NRXN1: variants seen among roughly 807,000 people sequenced by gnomAD.
NRXN1 encodes the protein neurexin 1, also known as neurexin-1.
A neutral mutation model predicts 150.9 loss-of-function variants in NRXN1; 39 were observed. That is an observed-to-expected ratio of 0.26 (90% CI 0.20 to 0.34). The LOEUF (loss-of-function observed/expected upper bound fraction) is 0.34, where lower values mean the gene tolerates loss of function less well. Ranked by LOEUF, NRXN1 falls within the 10% of genes least tolerant of loss-of-function variation. The pLI is 1.00. For synonymous variants in NRXN1, 924 were observed against 757.0 expected, an observed-to-expected ratio of 1.22 and a Z score of -3.62; for missense variants, 1,815 against 1,949.9, an observed-to-expected ratio of 0.93 and a Z score of 1.30.
intron 19 of NRXN1, among the ~76,000 whole-genome samples, chr2:50,069,951 T>C (rs921953661): frequency 1.8e-4 from 27 of 150,408 alleles, no homozygotes; most frequent in South Asian, 6.4e-4. Flanking sequence ...CCCGAGTTCA[T>C]GCCATTCTCC....
At chr2:49,947,531 T>C (rs1296460957) in intron 21 of NRXN1, among the ~76,000 whole-genome samples, 12 of 135,622 alleles carry the variant, frequency 8.8e-5, no homozygotes, top group African/African-American at 3.0e-4. Context: ...TTTTTTTTTT[T>C]GTAGAGATAA....
intron 5 of NRXN1, among the ~76,000 whole-genome samples, chr2:50,902,992 C>T (rs998365683): frequency 6.6e-6 from 1 of 151,888 alleles, no homozygotes; most frequent in African/African-American, 2.4e-5. Context: ...AAACCAAAAA[C>T]AAGTATTTAT....
chr2:50,203,371 C>T (rs1043040692), intron 18 of NRXN1, among the ~76,000 whole-genome samples: 13 of 152,116 alleles, frequency 8.5e-5, no homozygotes, highest in Non-Finnish European at 1.2e-4. Context: ...TCTTTACATT[C>T]TTGAATGTGT....
At chr2:50,371,749 G>A (rs938402657) in intron 17 of NRXN1, among the ~76,000 whole-genome samples, 2 of 112,334 alleles carry the variant, frequency 1.8e-5, no homozygotes, top group African/African-American at 9.1e-5. Context: ...CAACATAGCT[G>A]GGACAGTTAC....
At chr2:50,356,369 G>A (rs2078816652) in intron 17 of NRXN1, among the ~76,000 whole-genome samples, 2 of 152,086 alleles carry the variant, frequency 1.3e-5, no homozygotes, top group African/African-American at 4.8e-5. Flanking sequence ...AAAGTAAGAA[G>A]TATATGCTCC....
At chr2:50,903,893 G>A (rs910313804) in intron 5 of NRXN1, among the ~76,000 whole-genome samples, 2 of 152,092 alleles carry the variant, frequency 1.3e-5, no homozygotes, top group African/African-American at 2.4e-5. Context: ...CTGAAACGCC[G>A]GCTGTAGCCC....
chr2:49,952,611 T>A (rs893365448), intron 21 of NRXN1, among the ~76,000 whole-genome samples: 1 of 152,110 alleles, frequency 6.6e-6, no homozygotes, highest in Non-Finnish European at 1.5e-5. Context: ...TAACTAATTT[T>A]TTGGTGACAA....
intron 5 of NRXN1, among the ~76,000 whole-genome samples, chr2:50,645,478 G>GTATT: frequency 6.6e-6 from 1 of 151,834 alleles, no homozygotes; most frequent in Middle Eastern, 3.4e-3. Flanking sequence ...AAACTATAAC[G>GTATT]TATTTATTTA....
Position 50,389,669 on chromosome 2 carries a change from G to A in NRXN1, c.3364+75773C>T, listed in dbSNP as rs368563142. Among the ~76,000 whole-genome samples, 6 of 151,916 alleles carry A rather than the reference G, an allele frequency of 3.9e-5. No individual in the cohort carries two copies. In the East Asian group the frequency reaches 5.8e-4, roughly 15 times the overall value. On this transcript the variant is annotated intron_variant, in intron 17 of 22. Coordinates refer to ENST00000401669, the MANE Select transcript of NRXN1 (RefSeq NM_001330078.2). ...TCTTTTCTTGGTTTGAAGCATCTTC[G>A]ATAATTTTAAGTTAATAAATTGCTA...
chr2:50,807,704 T>C (rs1336720046), intron 5 of NRXN1, among the ~76,000 whole-genome samples: 1 of 152,182 alleles, frequency 6.6e-6, no homozygotes, highest in Non-Finnish European at 1.5e-5. Flanking sequence ...ACAATGATTC[T>C]GCTTATCTTG....
intron 21 of NRXN1, among the ~76,000 whole-genome samples, chr2:50,018,953 T>A (rs536257468): frequency 3.9e-5 from 6 of 152,310 alleles, no homozygotes; most frequent in African/African-American, 1.2e-4. Context: ...AAAATATGTG[T>A]TGGCAGGGTT....
At chr2:50,098,138 T>G (rs1700484919) in intron 18 of NRXN1, among the ~76,000 whole-genome samples, 2 of 152,108 alleles carry the variant, frequency 1.3e-5, no homozygotes, top group South Asian at 4.1e-4. Flanking sequence ...TGCTGCCCTG[T>G]CTCCTATTTT....
chr2:50,391,334 G>GA (rs372930809), intron 17 of NRXN1, among the ~76,000 whole-genome samples: 14 of 148,692 alleles, frequency 9.4e-5, no homozygotes, highest in Non-Finnish European at 1.0e-4. Flanking sequence ...AAGGGGAATT[G>GA]AAAAAAAAAT....
intron 5 of NRXN1, among the ~76,000 whole-genome samples, chr2:50,878,867 T>C (rs966670890): frequency 6.6e-6 from 1 of 151,966 alleles, no homozygotes; most frequent in Non-Finnish European, 1.5e-5. Context: ...AAGATTCTCA[T>C]GTACAAACAA....
At chr2:50,977,325 G>A (rs1696013413) in intron 2 of NRXN1, among the ~76,000 whole-genome samples, 2 of 151,708 alleles carry the variant, frequency 1.3e-5, no homozygotes, top group South Asian at 2.1e-4. Context: ...TTTTTCATAT[G>A]TAGTCACATT....
At chr2:50,075,206 C>G (rs1482554704) in intron 19 of NRXN1, among the ~76,000 whole-genome samples, 1 of 152,206 alleles carries the variant, frequency 6.6e-6, no homozygotes, top group Non-Finnish European at 1.5e-5. Context: ...CACCTTTCTT[C>G]ATCCATGCAA....
chr2:50,440,276 A>G (rs1263350192), intron 17 of NRXN1, among the ~76,000 whole-genome samples: 2 of 152,180 alleles, frequency 1.3e-5, no homozygotes, highest in South Asian at 2.1e-4. Context: ...CATAGGGTCC[A>G]GAATCTCCAA....
chr2:50,106,013 A>T (rs1393420737), intron 18 of NRXN1, among the ~76,000 whole-genome samples: 2 of 151,946 alleles, frequency 1.3e-5, no homozygotes, highest in Non-Finnish European at 2.9e-5. Flanking sequence ...AGTCAATTTC[A>T]GATTATGATT....
rs560535815 is a variant in NRXN1 at position 50,500,284 on chromosome 2, C to T, written c.2498-2570G>A. On this transcript the variant is annotated intron_variant, in intron 13 of 22. Coordinates refer to ENST00000401669, the MANE Select transcript of NRXN1 (RefSeq NM_001330078.2). ...CTCTCAAAGGAATAGAATATGCACA[C>T]AGAGCATAAATAATAAAAAGGTAGT... Among the ~76,000 whole-genome samples the T allele has an allele frequency of 2.1e-3, 315 of 151,946 alleles. 2 individuals carry two copies. The highest frequency in any genetic ancestry group is 0.015 in the South Asian group (73 of 4,822).
Sources: allele counts gnomAD v4.1 joint callset (sites outside exome capture counted in the v4.1 genomes callset), GRCh38; gene constraint gnomAD v4.1.1; transcripts MANE v1.5; gene names NCBI Gene and HGNC (gene_info 2026-07-23, HGNC 2026-07-21).